The following C1QTNF3 variants were observed in gnomAD, a reference collection of about 807,000 sequenced individuals.
The protein encoded by C1QTNF3 is C1q and TNF related 3.
In C1QTNF3, 26 loss-of-function variants were observed where a neutral mutation model predicts 32.6. The observed-to-expected ratio is 0.80, with a 90% CI of 0.58 to 1.11. The LOEUF (loss-of-function observed/expected upper bound fraction) is 1.11. Ranked by LOEUF, C1QTNF3 falls within the 50% of genes least tolerant of loss-of-function variation. C1QTNF3 has a pLI of 0.00. For synonymous variants in C1QTNF3, 155 were observed against 146.0 expected, an observed-to-expected ratio of 1.06 and a Z score of -0.44; for missense variants, 362 against 398.2, an observed-to-expected ratio of 0.91 and a Z score of 0.77.
the C1QTNF3 span, among the ~76,000 whole-genome samples, chr5:34,097,287 G>A: frequency 2.6e-5 from 4 of 151,692 alleles, no homozygotes; most frequent in East Asian, 1.9e-4. Flanking sequence ...CATCCTCTTC[G>A]TCTTCATCAT....
At chr5:34,088,052 TATG>T in the C1QTNF3 span, among the ~76,000 whole-genome samples, 31 of 152,290 alleles carry the variant, frequency 2.0e-4, no homozygotes, top group Non-Finnish European at 2.4e-4. Flanking sequence ...TTAAGCAAAT[TATG>T]ATGATAACTG....
the C1QTNF3 span, among the ~76,000 whole-genome samples, chr5:34,210,897 T>A: frequency 5.7e-4 from 87 of 152,274 alleles, no homozygotes; most frequent in African/African-American, 2.0e-3. Flanking sequence ...TTGCATTTTT[T>A]AATTTACTAT....
At chr5:34,084,817 T>TTTCA in the C1QTNF3 span, among the ~76,000 whole-genome samples, 281 of 112,510 alleles carry the variant, frequency 2.5e-3, 5 homozygotes, top group African/African-American at 0.012. Flanking sequence ...TTGTTTTTTT[T>TTTCA]CTGTGCAGAA....
the C1QTNF3 span, among the ~76,000 whole-genome samples, chr5:34,232,831 G>C: frequency 6.6e-6 from 1 of 152,130 alleles, no homozygotes; most frequent in Non-Finnish European, 1.5e-5. Flanking sequence ...GAATACTTGT[G>C]ATTTTGAGAA....
intron 1 of C1QTNF3, 29 bp downstream of exon 1, chr5:34,042,794 A>G (rs760178805): frequency 5.1e-6 from 8 of 1,583,618 alleles, no homozygotes; most frequent in Non-Finnish European, 6.0e-6. Context: ...AAGCTTTCAC[A>G]AAAATCCTTA....
At chr5:34,054,997 T>C in the C1QTNF3 span, among the ~76,000 whole-genome samples, 1 of 152,208 alleles carries the variant, frequency 6.6e-6, no homozygotes, top group Non-Finnish European at 1.5e-5. Context: ...ATCAAAAAGT[T>C]ACAAGGTGCT....
chr5:34,100,292 A>T, the C1QTNF3 span, among the ~76,000 whole-genome samples: 116 of 152,056 alleles, frequency 7.6e-4, 1 homozygote, highest in African/African-American at 2.6e-3. Context: ...CTAACGACCC[A>T]ATCACCTCTT....
At chr5:34,021,321 A>G (rs143714172) in intron 5 of C1QTNF3, among the ~76,000 whole-genome samples, 209 of 152,344 alleles carry the variant, frequency 1.4e-3, no homozygotes, top group African/African-American at 4.8e-3. Flanking sequence ...GGAAAATGTG[A>G]TAACTTGGAA....
chr5:34,161,683 A>G, the C1QTNF3 span, among the ~76,000 whole-genome samples: 1 of 152,188 alleles, frequency 6.6e-6, no homozygotes, highest in South Asian at 2.1e-4. Flanking sequence ...TACACTCTTT[A>G]TCTTTCATAG....
chr5:34,175,822 A>T, the C1QTNF3 span: 1 of 774,540 alleles, frequency 1.3e-6, no homozygotes, highest in Non-Finnish European at 2.4e-6. Flanking sequence ...TGCCACTTAC[A>T]CTGGTTAGTC....
At chr5:34,174,960 G>A in the C1QTNF3 span, among the ~76,000 whole-genome samples, 1 of 151,584 alleles carries the variant, frequency 6.6e-6, no homozygotes, top group Non-Finnish European at 1.5e-5. Context: ...TGTTAGCCAG[G>A]ATGGTCTCGA....
chr5:34,073,450 A>G, the C1QTNF3 span, among the ~76,000 whole-genome samples: 1 of 152,240 alleles, frequency 6.6e-6, no homozygotes, highest in Non-Finnish European at 1.5e-5. Flanking sequence ...GACAATAAAA[A>G]CATAGTAATT....
the C1QTNF3 span, among the ~76,000 whole-genome samples, chr5:34,064,783 T>C: frequency 6.6e-6 from 1 of 152,064 alleles, no homozygotes; most frequent in African/African-American, 2.4e-5. Flanking sequence ...AGAGCTCCCA[T>C]ACAATGGGAG....
the C1QTNF3 span, among the ~76,000 whole-genome samples, chr5:34,070,330 G>C: frequency 6.6e-6 from 1 of 152,226 alleles, no homozygotes; most frequent in South Asian, 2.1e-4. Context: ...GTCATAATTT[G>C]AGCCATAAAT....
the C1QTNF3 span, among the ~76,000 whole-genome samples, chr5:34,172,702 G>A: frequency 6.6e-6 from 1 of 152,190 alleles, no homozygotes; most frequent in Non-Finnish European, 1.5e-5. Flanking sequence ...TACTCTGTAT[G>A]AAGTGAATGA....
At chr5:34,071,727 T>C in the C1QTNF3 span, among the ~76,000 whole-genome samples, 1 of 152,120 alleles carries the variant, frequency 6.6e-6, no homozygotes, top group African/African-American at 2.4e-5. Flanking sequence ...GCATCAGTGA[T>C]CATCTACTGA....
At chr5:34,115,574 A>T in the C1QTNF3 span, among the ~76,000 whole-genome samples, 2 of 152,088 alleles carry the variant, frequency 1.3e-5, no homozygotes, top group Non-Finnish European at 2.9e-5. Flanking sequence ...ACTAAAAAAT[A>T]CAAAAAATTA....
chr5:34,243,482 A>G, the C1QTNF3 span, among the ~76,000 whole-genome samples: 2 of 152,232 alleles, frequency 1.3e-5, no homozygotes, highest in African/African-American at 4.8e-5. Flanking sequence ...AAAGGAAAAT[A>G]AATTATTCTA....
At chr5:34,167,361 T>A in the C1QTNF3 span, 1 of 152,342 alleles carries the variant, frequency 6.6e-6, no homozygotes, top group African/African-American at 2.4e-5. Context: ...TCTTTCGACA[T>A]CTATTTCTAC....
Sources: allele counts gnomAD v4.1 joint callset (sites outside exome capture counted in the v4.1 genomes callset), GRCh38; gene constraint gnomAD v4.1.1; transcripts MANE v1.5; gene names NCBI Gene and HGNC (gene_info 2026-07-23, HGNC 2026-07-21).